TENM2: variants seen among roughly 807,000 people sequenced by gnomAD.
TENM2 encodes the protein teneurin-2.
A neutral mutation model predicts 245.2 loss-of-function variants in TENM2; 52 were observed. That is an observed-to-expected ratio of 0.21 (90% confidence interval 0.17 to 0.27). The LOEUF (loss-of-function observed/expected upper bound fraction) is 0.27, where lower values mean the gene tolerates loss of function less well. Ranked by LOEUF, TENM2 falls within the 10% of genes least tolerant of loss-of-function variation. The probability of loss-of-function intolerance (pLI) is 1.00; values close to 1 mark genes in which losing one functional copy is unlikely to be tolerated. For missense variants in TENM2, 3,046 were observed against 3,666.8 expected, an observed-to-expected ratio of 0.83 and a Z score of 4.37; for synonymous variants, 1,363 against 1,438.9, an observed-to-expected ratio of 0.95 and a Z score of 1.19.
the TENM2 span, among the ~76,000 whole-genome samples, chr5:167,224,724 A>C: frequency 6.6e-6 from 1 of 151,746 alleles, no homozygotes; most frequent in African/African-American, 2.4e-5. Flanking sequence ...TTCTGTGAAA[A>C]TTTTTCTGTG....
chr5:167,453,860 G>A (rs1765751725), intron 2 of TENM2, among the ~76,000 whole-genome samples: 3 of 152,092 alleles, frequency 2.0e-5, no homozygotes, highest in African/African-American at 4.8e-5. Flanking sequence ...TATTTGCTAG[G>A]TGCATCACAC....
intron 5 of TENM2, among the ~76,000 whole-genome samples, chr5:168,036,319 G>A (rs540980951): frequency 5.4e-4 from 82 of 152,296 alleles, no homozygotes; most frequent in Admixed American, 2.0e-3. Context: ...TGTGTGACTT[G>A]AGTGTCACAT....
chr5:167,503,160 A>G (rs1769319856), intron 2 of TENM2, among the ~76,000 whole-genome samples: 1 of 152,184 alleles, frequency 6.6e-6, no homozygotes, highest in Admixed American at 6.5e-5. Flanking sequence ...AAAGTAATAC[A>G]TTTTATTGTG....
At chr5:167,230,077 A>G in the TENM2 span, among the ~76,000 whole-genome samples, 1 of 152,138 alleles carries the variant, frequency 6.6e-6, no homozygotes, top group East Asian at 1.9e-4. Flanking sequence ...GGCAGAATGC[A>G]GTCTGGTGTG....
the TENM2 span, among the ~76,000 whole-genome samples, chr5:167,266,844 G>A: frequency 1.3e-5 from 2 of 152,186 alleles, no homozygotes; most frequent in African/African-American, 4.8e-5. Context: ...GCCGGTTCAT[G>A]AAATGTGAAT....
the TENM2 span, among the ~76,000 whole-genome samples, chr5:167,065,295 A>G: frequency 1.1e-4 from 16 of 152,292 alleles, no homozygotes; most frequent in African/African-American, 3.6e-4. Flanking sequence ...TAATGATTGT[A>G]CTTTTAGAAA....
At chr5:167,763,437 A>C (rs942373704) in intron 2 of TENM2, among the ~76,000 whole-genome samples, 1 of 152,206 alleles carries the variant, frequency 6.6e-6, no homozygotes, top group African/African-American at 2.4e-5. Flanking sequence ...AATGTCCCCA[A>C]GCACTGCAAC....
intron 2 of TENM2, chr5:167,821,067 A>G (rs926997981): frequency 9.2e-5 from 14 of 152,230 alleles, no homozygotes; most frequent in African/African-American, 2.7e-4. Context: ...ATAATTCTCT[A>G]TTGTAGAGGA....
chr5:167,163,468 T>C, the TENM2 span, among the ~76,000 whole-genome samples: 2 of 152,218 alleles, frequency 1.3e-5, 1 homozygote, highest in South Asian at 4.1e-4. Context: ...TGCATGTTTT[T>C]AACAGATTAA....
the TENM2 span, among the ~76,000 whole-genome samples, chr5:167,245,725 A>G: frequency 6.6e-6 from 1 of 152,170 alleles, no homozygotes; most frequent in Admixed American, 6.5e-5. Flanking sequence ...CCTGGCAGGG[A>G]AAGTATTCTC....
the TENM2 span, chr5:167,168,095 A>G: frequency 6.6e-6 from 1 of 152,234 alleles, no homozygotes; most frequent in Non-Finnish European, 1.5e-5. Context: ...AAGCATAAAC[A>G]TGCTGACAGT....
chr5:168,097,977 CA>C (rs763749385), intron 8 of TENM2, 48 bp from the exon 11 acceptor site: 5 of 1,403,716 alleles, frequency 3.6e-6, no homozygotes, highest in Non-Finnish European at 5.0e-6. Flanking sequence ...TAAATTACTG[CA>C]CCAGTAGACA....
intron 1 of TENM2, among the ~76,000 whole-genome samples, chr5:167,334,588 T>C (rs987002294): frequency 6.6e-6 from 1 of 152,228 alleles, no homozygotes; most frequent in Non-Finnish European, 1.5e-5. Flanking sequence ...CTCTCTTTCC[T>C]TTTCTTCCTC....
rs1292543783 is a variant in TENM2 at position 167,375,284 on chromosome 5, C to T, written c.313C>T (p.Gln105Ter). Residue 105 changes from glutamine to a stop codon, truncating the protein, a stop_gained, in exon 2 of 29, where the codon CAG (glutamine) becomes TAG (stop). Transcript: ENST00000518659. LOFTEE classifies it high-confidence loss of function. ...CTGCTCCGACATGGGGATCCTTCAC[C>T]AGGGCTACTCCCTTAGCACAGGGTC... 6.4e-7 allele frequency: 1 copy of T among 1,551,618 alleles called. No homozygotes were observed. Among genetic ancestry groups the T allele is most frequent in the Non-Finnish European group, 8.7e-7 (1 of 1,147,018 alleles).
At chr5:167,214,139 G>T in the TENM2 span, among the ~76,000 whole-genome samples, 1 of 152,188 alleles carries the variant, frequency 6.6e-6, no homozygotes, top group Admixed American at 6.5e-5. Context: ...GCAAAGCTGT[G>T]GTTCTGAAAC....
intron 19 of TENM2, among the ~76,000 whole-genome samples, chr5:168,209,833 G>T (rs1037457895): frequency 3.3e-5 from 5 of 152,134 alleles, no homozygotes; most frequent in Admixed American, 1.3e-4. Flanking sequence ...AGATGACTGA[G>T]TCATGTCCTA....
At chr5:168,005,905 G>A (rs1784786491) in intron 5 of TENM2, among the ~76,000 whole-genome samples, 1 of 152,078 alleles carries the variant, frequency 6.6e-6, no homozygotes, top group Non-Finnish European at 1.5e-5. Context: ...GACAGGAGAA[G>A]CATTCCTTTG....
chr5:168,077,576 G>A (rs1481184537), intron 7 of TENM2, among the ~76,000 whole-genome samples: 1 of 151,934 alleles, frequency 6.6e-6, no homozygotes, highest in African/African-American at 2.4e-5. Context: ...ATCCCTCCCT[G>A]CTACCCCCAC....
chr5:167,894,657 C>T (rs867471297), intron 3 of TENM2, among the ~76,000 whole-genome samples: 16 of 152,128 alleles, frequency 1.1e-4, no homozygotes, highest in Admixed American at 1.3e-4. Context: ...CTTTCAGTAT[C>T]CTCAACACCC....
Sources: gnomAD v4.1 joint callset for allele counts (sites outside exome capture counted in the v4.1 genomes callset) on GRCh38, gnomAD v4.1.1 for gene constraint, MANE v1.5 for transcripts, NCBI Gene and HGNC (gene_info 2026-07-23, HGNC 2026-07-21) for gene names.